The following CLSTN2 variants were observed in gnomAD, a reference collection of about 807,000 sequenced individuals.
The protein encoded by CLSTN2 is calsyntenin 2.
A neutral mutation model predicts 101.2 loss-of-function variants in CLSTN2; 48 were observed. The ratio of observed to expected loss-of-function variants is 0.47; its 90% confidence interval spans 0.38 to 0.60. The LOEUF (loss-of-function observed/expected upper bound fraction) is 0.60, where lower values mean the gene tolerates loss of function less well. Among genes scored for constraint, CLSTN2 ranks in the 20% least tolerant of loss-of-function variants. The probability of loss-of-function intolerance (pLI) is 0.00; values close to 1 mark genes in which losing one functional copy is unlikely to be tolerated. For missense variants in CLSTN2, 1,160 were observed against 1,238.2 expected, an observed-to-expected ratio of 0.94 and a Z score of 0.95; for synonymous variants, 481 against 463.6, an observed-to-expected ratio of 1.04 and a Z score of -0.48.
chr3:140,198,983 C>T (rs953116484), intron 2 of CLSTN2, among the ~76,000 whole-genome samples: 1 of 152,160 alleles, frequency 6.6e-6, no homozygotes, highest in Admixed American at 6.5e-5. Context: ...ATTCTAATTC[C>T]CAGGTAGGAT....
At chr3:140,538,225 G>A (rs1335822523) in intron 9 of CLSTN2, among the ~76,000 whole-genome samples, 3 of 152,128 alleles carry the variant, frequency 2.0e-5, no homozygotes, top group Non-Finnish European at 4.4e-5. Context: ...GTCATGGGTT[G>A]TAACCTTCCT....
chr3:140,437,297 C>G (rs527929110), intron 5 of CLSTN2, among the ~76,000 whole-genome samples: 4 of 152,252 alleles, frequency 2.6e-5, no homozygotes, highest in African/African-American at 9.6e-5. Flanking sequence ...ATCCGCCTGC[C>G]TCAGCCTCCC....
intron 8 of CLSTN2, among the ~76,000 whole-genome samples, chr3:140,498,960 GTTT>G (rs532312992): frequency 1.4e-5 from 2 of 138,980 alleles, no homozygotes; most frequent in African/African-American, 5.1e-5. Context: ...GCACTTGAAT[GTTT>G]TTTTTTTTTT....
intron 5 of CLSTN2, among the ~76,000 whole-genome samples, chr3:140,437,297 C>T (rs527929110): frequency 6.6e-6 from 1 of 152,134 alleles, no homozygotes; most frequent in Admixed American, 6.6e-5. Flanking sequence ...ATCCGCCTGC[C>T]TCAGCCTCCC....
At position 140,566,287 on chromosome 3, in the gene CLSTN2, C is replaced by T; in HGVS notation, c.*34C>T. On this transcript the variant is annotated 3_prime_UTR_variant, in exon 17 of 17. Coordinates refer to ENST00000458420, the MANE Select transcript of CLSTN2 (RefSeq NM_022131.3). Reference sequence around the variant, plus strand: ...GGTCTGCTGCCTGGCCCACATGTCCCTTTTGTAAACCCTGACCCAGTGTAT... The same window carrying T: ...GGTCTGCTGCCTGGCCCACATGTCCTTTTTGTAAACCCTGACCCAGTGTAT... The T allele has an allele frequency of 6.5e-7, 1 of 1,543,248 alleles. No homozygotes were observed. The highest frequency in any genetic ancestry group is 8.8e-7 in the Non-Finnish European group (1 of 1,140,806).
At chr3:140,462,054 G>A (rs544173265) in intron 7 of CLSTN2, among the ~76,000 whole-genome samples, 22 of 144,344 alleles carry the variant, frequency 1.5e-4, no homozygotes, top group African/African-American at 5.4e-4. Context: ...ACACAGAAAA[G>A]CATAAAAGAG....
At chr3:140,382,810 G>A (rs7640776) in intron 2 of CLSTN2, among the ~76,000 whole-genome samples, 21,507 of 152,122 alleles carry the variant, frequency 0.14, 1,612 homozygotes, top group East Asian at 0.21. Flanking sequence ...GAAGTGGCAA[G>A]CAATCTCCCT....
At position 140,272,725 on chromosome 3, in the gene CLSTN2, G is replaced by A. The variant is rs112060889; in HGVS notation, c.232+96652G>A. 1.4e-3 allele frequency among the ~76,000 whole-genome samples: 213 copies of A among 152,196 alleles called. 1 individual carries two copies. Among genetic ancestry groups the A allele is most frequent in the African/African-American group, 4.8e-3 (198 of 41,520 alleles). ...CGAGTTTGTGCCACTGCTCTCCAGC[G>A]TGGGTGACAGAGCAAGACCCTGTCT... On this transcript the variant is annotated intron_variant, in intron 2 of 16. Coordinates refer to ENST00000458420, the MANE Select transcript of CLSTN2 (RefSeq NM_022131.3).
intron 2 of CLSTN2, among the ~76,000 whole-genome samples, chr3:140,230,116 A>T (rs535885450): frequency 3.0e-4 from 45 of 152,112 alleles, no homozygotes; most frequent in Admixed American, 6.5e-4. Flanking sequence ...CCAGCGGATG[A>T]TTGGAATGGA....
In CLSTN2 at chr3:139,997,047, C is replaced by CAAAAAA. The variant is rs369329154; in HGVS notation, c.109+61578_109+61583dup. On this transcript the variant is annotated intron_variant, in intron 1 of 16. Transcript: ENST00000458420. ...GGGCAACAAGAGCAAGACTCTGTCT[C>CAAAAAA]AAAAAAAAAAAAAAAAAAAGAAAAG... Among the ~76,000 whole-genome samples, 9 of 84,920 alleles carry CAAAAAA rather than the reference C, an allele frequency of 1.1e-4. 1 individual carries two copies. The highest frequency in any genetic ancestry group is 1.3e-4 in the Admixed American group (1 of 7,428). The allele number at this position is 84,920 out of a possible 152,430, so 55.7% of individuals were successfully genotyped here.
intron 2 of CLSTN2, among the ~76,000 whole-genome samples, chr3:140,397,196 A>G (rs2088192274): frequency 6.6e-6 from 1 of 152,232 alleles, no homozygotes; most frequent in Non-Finnish European, 1.5e-5. Context: ...TGAGCTTAAT[A>G]GAAAACAGCT....
chr3:140,251,584 GTTCCTTTCCTTTCCTTTCCTTTCCT>G (rs60379986), intron 2 of CLSTN2, among the ~76,000 whole-genome samples: 5 of 117,544 alleles, frequency 4.3e-5, no homozygotes, highest in East Asian at 2.3e-4. Flanking sequence ...CTTAGCTTCC[GTTCCTTTCCTTTCCTTTCCTTTCCT>G]TTCCTTTCCT....
In CLSTN2 at chr3:140,154,081, A is replaced by G. The variant is rs144105540; in HGVS notation, c.110-21870A>G. Among the ~76,000 whole-genome samples the G allele has an allele frequency of 4.0e-3, 603 of 152,358 alleles. 4 individuals are homozygous for G. The highest frequency in any genetic ancestry group is 0.013 in the African/African-American group (559 of 41,582). ...AAGGGGCAAGGATAGATGACAAAAT[A>G]GTCAAGACTTACAAAGCTTAATTTT... On this transcript the variant is annotated intron_variant, in intron 1 of 16. Transcript: ENST00000458420.
At chr3:140,466,578 C>T (rs368194912) in intron 7 of CLSTN2, 32 bp from the exon 8 acceptor site, 14 of 1,613,726 alleles carry the variant, frequency 8.7e-6, no homozygotes, top group Admixed American at 3.3e-5. Flanking sequence ...CAGGGGTTCT[C>T]TCACTCTTCA....
At chr3:140,255,339 A>T (rs1427949876) in intron 2 of CLSTN2, among the ~76,000 whole-genome samples, 1 of 152,192 alleles carries the variant, frequency 6.6e-6, no homozygotes, top group Non-Finnish European at 1.5e-5. Context: ...TACCATAAAG[A>T]CACATGCAGT....
intron 1 of CLSTN2, among the ~76,000 whole-genome samples, chr3:140,103,808 C>A (rs933528528): frequency 6.6e-6 from 1 of 152,152 alleles, no homozygotes; most frequent in African/African-American, 2.4e-5. Flanking sequence ...CCCAGTTGGG[C>A]TCTCAAAGAG....
chr3:140,049,074 A>G (rs2007938287), intron 1 of CLSTN2, among the ~76,000 whole-genome samples: 1 of 152,226 alleles, frequency 6.6e-6, no homozygotes, highest in Non-Finnish European at 1.5e-5. Context: ...AGTTTGAGCC[A>G]GAGAAACAAT....
At chr3:140,174,192 C>T (rs2010285906) in intron 1 of CLSTN2, among the ~76,000 whole-genome samples, 1 of 152,176 alleles carries the variant, frequency 6.6e-6, no homozygotes, top group Non-Finnish European at 1.5e-5. Context: ...TAAATCATCT[C>T]TCTCAAGTTC....
chr3:140,562,052 C>G, intron 12 of CLSTN2, 86 bp from the exon 13 acceptor site: 1 of 1,236,224 alleles, frequency 8.1e-7, no homozygotes, highest in Non-Finnish European at 1.2e-6. Flanking sequence ...ACCTGGGGTG[C>G]AATAACAGAG....
Sources: allele counts gnomAD v4.1 joint callset (sites outside exome capture counted in the v4.1 genomes callset), GRCh38; gene constraint gnomAD v4.1.1; transcripts MANE v1.5; gene names NCBI Gene and HGNC (gene_info 2026-07-23, HGNC 2026-07-21).